Variants in TACR1 observed in about 807,000 individuals in gnomAD.
TACR1 encodes the protein tachykinin receptor 1, also known as substance-P receptor.
In TACR1, 25 loss-of-function variants were observed where a neutral mutation model predicts 35.8. That is an observed-to-expected ratio of 0.70 (90% CI 0.51 to 0.98). The LOEUF (loss-of-function observed/expected upper bound fraction) is 0.98. TACR1 is among the 50% of genes least tolerant of loss of function. TACR1 has a pLI of 0.00. For synonymous variants in TACR1, 195 were observed against 206.7 expected (o/e 0.94, Z 0.48); for missense variants, 478 against 522.9 (o/e 0.91, Z 0.84).
At chr2:75,070,196 G>T (rs1195458870) in intron 2 of TACR1, among the ~76,000 whole-genome samples, 1 of 151,476 alleles carries the variant, frequency 6.6e-6, no homozygotes. Context: ...CCATTCAATT[G>T]ACCTACCCCC....
intron 2 of TACR1, among the ~76,000 whole-genome samples, chr2:75,100,340 A>AT (rs1488366976): frequency 6.6e-6 from 1 of 152,224 alleles, no homozygotes; most frequent in African/African-American, 2.4e-5. Flanking sequence ...GCTAGCAATT[A>AT]TTATTTTTAA....
chr2:75,095,448 T>C (rs780829730), intron 2 of TACR1, among the ~76,000 whole-genome samples: 8 of 152,176 alleles, frequency 5.3e-5, no homozygotes, highest in Non-Finnish European at 1.0e-4. Context: ...AGAGGTGATA[T>C]TGATCTAAAT....
chr2:75,049,750 A>T, intron 4 of TACR1, 27 bp from the exon 5 acceptor site: 1 of 1,596,628 alleles, frequency 6.3e-7, no homozygotes, highest in Non-Finnish European at 8.5e-7. Context: ...TGAAGAGGTG[A>T]CCCTTTGGGA....
At chr2:75,188,033 A>C (rs545584523) in intron 1 of TACR1, 1 of 152,300 alleles carries the variant, frequency 6.6e-6, no homozygotes, top group South Asian at 2.1e-4. Flanking sequence ...AATTCCAATG[A>C]AGTTTTCTCT....
At chr2:75,111,287 C>T (rs1269872247) in intron 2 of TACR1, among the ~76,000 whole-genome samples, 1 of 151,990 alleles carries the variant, frequency 6.6e-6, no homozygotes, top group African/African-American at 2.4e-5. Context: ...GCCTCTACTC[C>T]ATCCCAATTT....
At chr2:75,053,894 C>A (rs1573456995) in intron 2 of TACR1, 139 bp from the exon 3 acceptor site, 1 of 1,143,710 alleles carries the variant, frequency 8.7e-7, no homozygotes, top group East Asian at 2.6e-5. Flanking sequence ...GCTGTAAAGC[C>A]CACTCCAGGG....
intron 1 of TACR1, among the ~76,000 whole-genome samples, chr2:75,168,358 C>T (rs1409604973): frequency 1.3e-5 from 2 of 152,126 alleles, no homozygotes; most frequent in East Asian, 1.9e-4. Flanking sequence ...AGGAGATCAT[C>T]CTGGTTAATT....
intron 1 of TACR1, among the ~76,000 whole-genome samples, chr2:75,162,601 C>G (rs1675037789): frequency 6.6e-6 from 1 of 152,216 alleles, no homozygotes; most frequent in Admixed American, 6.5e-5. Flanking sequence ...TCTGTTTTAT[C>G]TCAGACATAC....
chr2:75,070,247 GTGTGTA>G (rs1280762480), intron 2 of TACR1, among the ~76,000 whole-genome samples: 4,496 of 106,144 alleles, frequency 0.042, 114 homozygotes, highest in Admixed American at 0.13. Flanking sequence ...GTGTGTGTGT[GTGTGTA>G]TGTGTGTGTG....
At chr2:75,070,408 G>C (rs1672855183) in intron 2 of TACR1, among the ~76,000 whole-genome samples, 3 of 152,160 alleles carry the variant, frequency 2.0e-5, no homozygotes, top group Non-Finnish European at 4.4e-5. Context: ...TAGATGCTGG[G>C]TGGTACAGAG....
chr2:75,053,508 T>C (rs1306374111), intron 3 of TACR1, 97 bp downstream of exon 3: 4 of 1,384,904 alleles, frequency 2.9e-6, no homozygotes, highest in Non-Finnish European at 3.8e-6. Context: ...GGGGATATTT[T>C]GTGCTAGCTG....
chr2:75,122,561 CTCTT>C (rs898920933), intron 1 of TACR1, among the ~76,000 whole-genome samples: 4 of 152,118 alleles, frequency 2.6e-5, no homozygotes, highest in African/African-American at 9.7e-5. Context: ...CTCCTAGAAA[CTCTT>C]TCTTCTGCCT....
chr2:75,134,251 C>G (rs1428261443), intron 1 of TACR1, among the ~76,000 whole-genome samples: 2 of 152,204 alleles, frequency 1.3e-5, no homozygotes, highest in East Asian at 3.8e-4. Context: ...CTTTCTTGCA[C>G]AAGATCCAAG....
chr2:75,084,986 C>T (rs143203008), intron 2 of TACR1, among the ~76,000 whole-genome samples: 5,889 of 152,140 alleles, frequency 0.039, 151 homozygotes, highest in Middle Eastern at 0.099. Flanking sequence ...AATGTGTTTG[C>T]TCTTGCTTCT....
chr2:75,059,463 C>T (rs1672628562), intron 2 of TACR1, among the ~76,000 whole-genome samples: 1 of 151,176 alleles, frequency 6.6e-6, no homozygotes, highest in South Asian at 2.1e-4. Flanking sequence ...ATGTGTAGAT[C>T]CCACTTTAGA....
At chr2:75,097,106 A>G (rs1673437997) in intron 2 of TACR1, among the ~76,000 whole-genome samples, 1 of 152,248 alleles carries the variant, frequency 6.6e-6, no homozygotes, top group Non-Finnish European at 1.5e-5. Context: ...CTTCTGAGAG[A>G]CTAGCCCAAG....
intron 2 of TACR1, among the ~76,000 whole-genome samples, chr2:75,083,726 TTGTC>T (rs1673136884): frequency 6.6e-6 from 1 of 152,182 alleles, no homozygotes; most frequent in Admixed American, 6.5e-5. Context: ...GGCTCTCTGT[TTGTC>T]TGTTATTGGT....
chr2:75,180,123 A>AC (rs1315173140), intron 1 of TACR1, among the ~76,000 whole-genome samples: 1 of 152,144 alleles, frequency 6.6e-6, no homozygotes, highest in Non-Finnish European at 1.5e-5. Flanking sequence ...TTGTTCAAGT[A>AC]CCATCTCTTC....
chr2:75,190,927 G>A (rs1675828408), intron 1 of TACR1, among the ~76,000 whole-genome samples: 2 of 152,198 alleles, frequency 1.3e-5, no homozygotes, highest in South Asian at 4.1e-4. Context: ...TTGGAAAGTA[G>A]ATTAAGAACT....
Sources: allele counts gnomAD v4.1 joint callset (sites outside exome capture counted in the v4.1 genomes callset), GRCh38; gene constraint gnomAD v4.1.1; transcripts MANE v1.5; gene names NCBI Gene and HGNC (gene_info 2026-07-23, HGNC 2026-07-21).